TPST1: variants seen among roughly 807,000 people sequenced by gnomAD.
TPST1 encodes the protein protein-tyrosine sulfotransferase 1.
In TPST1, 20 loss-of-function variants were observed where a neutral mutation model predicts 34.8. That is an observed-to-expected ratio of 0.57 (90% confidence interval 0.40 to 0.84). The LOEUF is 0.84. Among genes scored for constraint, TPST1 ranks in the 40% least tolerant of loss-of-function variants. The probability of loss-of-function intolerance (pLI) is 0.00; values close to 1 mark genes in which losing one functional copy is unlikely to be tolerated. For missense variants in TPST1, 353 were observed against 455.5 expected (o/e 0.78, Z 2.05); for synonymous variants, 152 against 159.4 (o/e 0.95, Z 0.35).
At chr7:66,225,897 T>C (rs1789645271) in intron 1 of TPST1, among the ~76,000 whole-genome samples, 1 of 152,160 alleles carries the variant, frequency 6.6e-6, no homozygotes, top group African/African-American at 2.4e-5. Flanking sequence ...GTTTTTGTTT[T>C]TGTTTTTGAG....
intron 3 of TPST1, among the ~76,000 whole-genome samples, chr7:66,293,630 GGAATGATA>G (rs1791133135): frequency 6.6e-6 from 1 of 152,194 alleles, no homozygotes; most frequent in East Asian, 1.9e-4. Flanking sequence ...TCAGTTTCTA[GGAATGATA>G]CTCACTGTTG....
chr7:66,277,433 G>A (rs1790842209), intron 2 of TPST1, among the ~76,000 whole-genome samples: 1 of 152,086 alleles, frequency 6.6e-6, no homozygotes, highest in African/African-American at 2.4e-5. Flanking sequence ...GGGGATTGTG[G>A]TTACTGTTGG....
chr7:66,212,268 A>T (rs551050461), intron 1 of TPST1, among the ~76,000 whole-genome samples: 2 of 152,330 alleles, frequency 1.3e-5, no homozygotes, highest in South Asian at 2.1e-4. Context: ...GAACAGTGGC[A>T]TAACAATTTC....
At chr7:66,351,039 A>G (rs1792467698) in intron 3 of TPST1, among the ~76,000 whole-genome samples, 1 of 152,174 alleles carries the variant, frequency 6.6e-6, no homozygotes, top group African/African-American at 2.4e-5. Flanking sequence ...TGATATCAAG[A>G]CAGAAAATTA....
intron 1 of TPST1, among the ~76,000 whole-genome samples, chr7:66,231,714 G>C (rs1187711754): frequency 6.6e-6 from 1 of 152,324 alleles, no homozygotes; most frequent in East Asian, 1.9e-4. Context: ...TCCCGCTCGC[G>C]CCTCTCCCTC....
upstream of TPST1, among the ~76,000 whole-genome samples, chr7:66,200,681 A>G (rs966749325): frequency 2.6e-5 from 4 of 151,804 alleles, no homozygotes; most frequent in African/African-American, 4.8e-5. Context: ...CGGCCTCCCA[A>G]AGTGCTGGGA....
At chr7:66,298,335 C>T (rs887958727) in intron 3 of TPST1, among the ~76,000 whole-genome samples, 1 of 152,164 alleles carries the variant, frequency 6.6e-6, no homozygotes, top group African/African-American at 2.4e-5. Context: ...TTATTGGGAA[C>T]ACACCCATTT....
At chr7:66,202,563 C>T (rs564550084), upstream of TPST1, among the ~76,000 whole-genome samples, 1 of 152,288 alleles carries the variant, frequency 6.6e-6, no homozygotes, top group African/African-American at 2.4e-5. Context: ...CTCAGATCTC[C>T]ATCTCTACTT....
At chr7:66,212,463 CT>C (rs756884668) in intron 1 of TPST1, among the ~76,000 whole-genome samples, 88 of 60,886 alleles carry the variant, frequency 1.4e-3, no homozygotes, top group Middle Eastern at 0.012. Context: ...TTTCTTTTTT[CT>C]TTTTTTTTTT....
intron 3 of TPST1, among the ~76,000 whole-genome samples, chr7:66,341,267 A>G (rs1277440712): frequency 2.0e-5 from 3 of 152,146 alleles, no homozygotes; most frequent in Non-Finnish European, 4.4e-5. Context: ...ACACATAGGT[A>G]TATAAAACAC....
chr7:66,222,480 A>G (rs879873719), intron 1 of TPST1, among the ~76,000 whole-genome samples: 1 of 152,216 alleles, frequency 6.6e-6, no homozygotes, highest in Non-Finnish European at 1.5e-5. Context: ...TTTGTGATTT[A>G]AAGGAACTTA....
At chr7:66,322,408 C>T (rs1791776191) in intron 3 of TPST1, among the ~76,000 whole-genome samples, 1 of 152,214 alleles carries the variant, frequency 6.6e-6, no homozygotes, top group Non-Finnish European at 1.5e-5. Flanking sequence ...TTCTTCTCCC[C>T]ACTCCCCTCC....
intron 3 of TPST1, among the ~76,000 whole-genome samples, chr7:66,335,302 A>T (rs965684526): frequency 1.2e-4 from 19 of 152,272 alleles, no homozygotes; most frequent in East Asian, 7.7e-4. Flanking sequence ...CCACAAAAAC[A>T]AAAGTTAGCT....
chr7:66,247,647 G>A (rs1790178667), intron 2 of TPST1, among the ~76,000 whole-genome samples: 1 of 152,146 alleles, frequency 6.6e-6, no homozygotes, highest in East Asian at 1.9e-4. Flanking sequence ...TTGACTTAGG[G>A]AATATTGTGC....
At chr7:66,338,706 A>G (rs1403814140) in intron 3 of TPST1, among the ~76,000 whole-genome samples, 2 of 152,204 alleles carry the variant, frequency 1.3e-5, no homozygotes, top group Admixed American at 1.3e-4. Context: ...TTAAACAACA[A>G]ATGGACCAAT....
chr7:66,264,047 G>C (rs1235590421), intron 2 of TPST1, among the ~76,000 whole-genome samples: 1 of 152,174 alleles, frequency 6.6e-6, no homozygotes, highest in African/African-American at 2.4e-5. Flanking sequence ...GAGCAGAACA[G>C]ACCTCATTGT....
At chr7:66,239,140 A>G (rs1479660613) in intron 1 of TPST1, among the ~76,000 whole-genome samples, 1 of 152,158 alleles carries the variant, frequency 6.6e-6, no homozygotes, top group East Asian at 1.9e-4. Context: ...TTTGGTTTAG[A>G]ATATCCCTCC....
chr7:66,245,788 C>T (rs1790134879), intron 2 of TPST1, among the ~76,000 whole-genome samples: 1 of 152,182 alleles, frequency 6.6e-6, no homozygotes, highest in Non-Finnish European at 1.5e-5. Context: ...AAGATATGAG[C>T]ATTAATAGCA....
rs557967177 is a variant in TPST1, at chr7:66,316,403, A to G, written c.1044+29694A>G. Among the ~76,000 whole-genome samples, 5 of 152,344 alleles carry G rather than the reference A, an allele frequency of 3.3e-5. No homozygotes were observed. The South Asian group carries it at 1.0e-3, about 32-fold the overall frequency. On this transcript the variant is annotated intron_variant, in intron 3 of 5. Transcript: ENST00000304842. ...GTGTTCCTGAGAAGGATGTGTATTC[A>G]CTAATTAATGGGTGCTGGGTTTTAT...
Sources: allele counts gnomAD v4.1 joint callset (sites outside exome capture counted in the v4.1 genomes callset), GRCh38; gene constraint gnomAD v4.1.1; transcripts MANE v1.5; gene names NCBI Gene and HGNC (gene_info 2026-07-23, HGNC 2026-07-21).